Variants in KCNN3 observed in about 807,000 individuals in gnomAD.
KCNN3 encodes small conductance calcium-activated potassium channel protein 3.
Under a neutral mutation model 62.9 loss-of-function variants are expected in KCNN3, and 16 were observed. That is an observed-to-expected ratio of 0.25 (90% CI 0.17 to 0.39). The LOEUF is 0.39. Among genes scored for constraint, KCNN3 ranks in the 10% least tolerant of loss-of-function variants. The probability of loss-of-function intolerance (pLI) is 1.00; values close to 1 mark genes in which losing one functional copy is unlikely to be tolerated. For synonymous variants in KCNN3, 370 were observed against 389.2 expected (o/e 0.95, Z 0.58); for missense variants, 599 against 949.4 (o/e 0.63, Z 4.85).
At chr1:154,752,639 G>A (rs1386077677) in intron 3 of KCNN3, among the ~76,000 whole-genome samples, 3 of 149,920 alleles carry the variant, frequency 2.0e-5, no homozygotes, top group Non-Finnish European at 3.0e-5. Flanking sequence ...AGAATGAATG[G>A]CCATGAACGA....
chr1:154,736,475 C>G (rs1314043601), intron 3 of KCNN3, among the ~76,000 whole-genome samples: 4 of 152,190 alleles, frequency 2.6e-5, no homozygotes, highest in African/African-American at 9.7e-5. Context: ...TACTTAGTAT[C>G]TGAAAATGAT....
In KCNN3 at chr1:154,714,551, TGTGTG is replaced by T. The variant is rs1225019622; in HGVS notation, c.1829+320_1829+324del. ...GTGTGTGGTGTGTGTGGGGTGTGTGTGTGTGGTGTGTGTGTGGTGTGTGTGTGTGG... is the reference window on the plus strand; with the variant it reads ...GTGTGTGGTGTGTGTGGGGTGTGTGTGTGTGTGTGTGGTGTGTGTGTGTGG... On this transcript the variant is annotated intron_variant, in intron 6 of 7. Transcript: ENST00000271915. Among the ~76,000 whole-genome samples the T allele has an allele frequency of 2.6e-4, 16 of 61,280 alleles. 1 individual carries two copies. The highest frequency in any genetic ancestry group is 1.1e-3 in the African/African-American group (16 of 14,240). The allele number at this position is 61,280 out of a possible 152,430, so 40.2% of individuals were successfully genotyped here. A position where few individuals can be genotyped will look rare whatever the true frequency, so the allele number is the denominator to read the frequency against.
chr1:154,706,250 T>C lies in KCNN3; in HGVS notation c.*1726A>G, dbSNP rs1225381412. 1 of 152,204 alleles carries C rather than the reference T, an allele frequency of 6.6e-6. No homozygotes were observed. Among genetic ancestry groups the C allele is most frequent in the Non-Finnish European group, 1.5e-5 (1 of 68,024 alleles). 9.4% of individuals were successfully genotyped at this position (152,204 alleles called of 1,614,324 possible). A position where few individuals can be genotyped will look rare whatever the true frequency, so the allele number is the denominator to read the frequency against. ...GCTGTCCTTAGAAGAACAGGCCCAG[T>C]GCTACAGAATAAAAATCTCCATGCC... On this transcript the variant is annotated 3_prime_UTR_variant, in exon 8 of 8. Coordinates refer to ENST00000271915, the MANE Select transcript of KCNN3 (RefSeq NM_002249.6).
chr1:154,807,166 G>A (rs372095912), intron 2 of KCNN3, among the ~76,000 whole-genome samples: 3 of 152,234 alleles, frequency 2.0e-5, no homozygotes, highest in East Asian at 1.9e-4. Context: ...GAAAGACTGA[G>A]GCAAGCAGGA....
chr1:154,721,653 G>C (rs1474657555), intron 5 of KCNN3, among the ~76,000 whole-genome samples: 1 of 152,058 alleles, frequency 6.6e-6, no homozygotes, highest in Non-Finnish European at 1.5e-5. Context: ...AGCCACCAGA[G>C]GTTAGGGATG....
At position 154,701,377 on chromosome 1, in the gene KCNN3, CCA is replaced by C. The variant is rs1180072768; in HGVS notation, c.*6597_*6598del. ...AAAGCAACAACAGCAAGTGAGGGTC[CCA>C]GGTGAGAAGAGGCTCACTGATTCTA... On this transcript the variant is annotated 3_prime_UTR_variant, in exon 8 of 8. Coordinates refer to ENST00000271915, the MANE Select transcript of KCNN3 (RefSeq NM_002249.6). 15 of 152,120 alleles carry C rather than the reference CCA, an allele frequency of 9.9e-5. No individual in the cohort carries two copies. Among genetic ancestry groups the C allele is most frequent in the Non-Finnish European group, 1.9e-4 (13 of 68,030 alleles). The allele number at this position is 152,120 out of a possible 1,614,324, so 9.4% of individuals were successfully genotyped here. A position where few individuals can be genotyped will look rare whatever the true frequency, so the allele number is the denominator to read the frequency against.
chr1:154,869,120 C>A lies in KCNN3; in HGVS notation c.845G>T (p.Arg282Leu). Residue 282 changes from arginine (R) to leucine (L), a missense_variant, in exon 1 of 8, where the codon CGA becomes CTA. By Grantham distance (102) the Arg-to-Leu change is moderately radical (BLOSUM62 -2). This residue lies in a region of KCNN3 where 288 missense variants were observed against 557.4 expected (regional missense o/e 0.52). Transcript: ENST00000271915. The surrounding 1 kb of genome is among the most constrained non-coding windows in gnomAD (Gnocchi z 6.1). ...AAAAATCAGAGCATAGTCACTCAGT[C>A]GCTTTCTCTTTTCAAACAGGGCCCT... is the stretch of plus-strand genomic sequence containing the variant. Reference protein sequence around the residue: ...HRRALFEKRKRLSDYALIFGM... With the variant: ...HRRALFEKRKLLSDYALIFGM... 1.2e-6 allele frequency: 2 copies of A among 1,614,158 alleles called. No individual in the cohort carries two copies. Among genetic ancestry groups the A allele is most frequent in the East Asian group, 2.2e-5 (1 of 44,884 alleles).
At chr1:154,726,602 C>T (rs561547018) in intron 4 of KCNN3, among the ~76,000 whole-genome samples, 4 of 152,298 alleles carry the variant, frequency 2.6e-5, no homozygotes, top group African/African-American at 7.2e-5. Flanking sequence ...GGCACGAACA[C>T]GTGCACTCAG....
chr1:154,783,389 G>T (rs569831007), intron 2 of KCNN3, among the ~76,000 whole-genome samples: 5 of 152,274 alleles, frequency 3.3e-5, no homozygotes, highest in African/African-American at 9.6e-5. Flanking sequence ...TCTAGACTGG[G>T]CTATGTTTGT....
At chr1:154,865,033 C>A (rs756127628) in intron 1 of KCNN3, among the ~76,000 whole-genome samples, 3 of 152,110 alleles carry the variant, frequency 2.0e-5, no homozygotes, top group African/African-American at 7.2e-5. Context: ...GAGGTACCAG[C>A]TCAGCCACCA....
At chr1:154,731,558 G>A (rs1005293231) in intron 4 of KCNN3, among the ~76,000 whole-genome samples, 3 of 152,178 alleles carry the variant, frequency 2.0e-5, no homozygotes, top group Admixed American at 6.5e-5. Context: ...GCCCCCAGCC[G>A]CTGTGAGGCG....
chr1:154,823,895 T>G (rs1651002417), intron 1 of KCNN3, among the ~76,000 whole-genome samples: 1 of 152,120 alleles, frequency 6.6e-6, no homozygotes, highest in Non-Finnish European at 1.5e-5. Context: ...AGTGCCCAGG[T>G]CCATGCTCTC....
At chr1:154,793,358 G>A (rs1339962393) in intron 2 of KCNN3, among the ~76,000 whole-genome samples, 2 of 152,136 alleles carry the variant, frequency 1.3e-5, no homozygotes, top group Admixed American at 6.5e-5. Context: ...ACCCTGAAAA[G>A]TTTACACCTG....
intron 1 of KCNN3, among the ~76,000 whole-genome samples, chr1:154,830,867 G>A (rs1651353339): frequency 6.6e-6 from 1 of 152,166 alleles, no homozygotes; most frequent in Non-Finnish European, 1.5e-5. Context: ...AGGTCATTTA[G>A]GAGACCACGC....
chr1:154,734,255 T>C (rs924663488), intron 3 of KCNN3, among the ~76,000 whole-genome samples: 10 of 152,116 alleles, frequency 6.6e-5, no homozygotes, highest in Non-Finnish European at 1.2e-4. Context: ...CACAATAGAC[T>C]CTGTATTTTA....
chr1:154,784,734 A>G (rs534744760), intron 2 of KCNN3, among the ~76,000 whole-genome samples: 2 of 152,358 alleles, frequency 1.3e-5, no homozygotes, highest in Non-Finnish European at 2.9e-5. Context: ...GGGGCCATGT[A>G]TTGCAGCCTC....
chr1:154,737,659 A>G (rs771144167), intron 3 of KCNN3, among the ~76,000 whole-genome samples: 3 of 152,236 alleles, frequency 2.0e-5, no homozygotes, highest in African/African-American at 7.2e-5. Flanking sequence ...GACCCACGAG[A>G]CAAGAATGGA....
rs147080145 is a variant in KCNN3, at chr1:154,737,815, C to T, written c.1449-4671G>A. 4.8e-3 allele frequency among the ~76,000 whole-genome samples: 735 copies of T among 152,262 alleles called. 3 individuals carry two copies. The highest frequency in any genetic ancestry group is 7.1e-3 in the Non-Finnish European group (482 of 68,020). On this transcript the variant is annotated intron_variant, in intron 3 of 7. Transcript: ENST00000271915. ...TGTGTGCCTGTATCCCCCAGCTGCT[C>T]GGAGGCTGAGGCAGGAGGATTGCTC...
chr1:154,850,638 T>A (rs1652264289), intron 1 of KCNN3, among the ~76,000 whole-genome samples: 1 of 152,140 alleles, frequency 6.6e-6, no homozygotes, highest in African/African-American at 2.4e-5. Context: ...GTGCTTACCT[T>A]CCCCCAGCTG....
Sources: gnomAD v4.1 joint callset for allele counts (sites outside exome capture counted in the v4.1 genomes callset) on GRCh38, gnomAD v4.1.1 for gene constraint, gnomAD v4.1.1 regional missense constraint, Gnocchi (gnomAD v3.1) non-coding constraint, MANE v1.5 for transcripts, NCBI Gene and HGNC (gene_info 2026-07-23, HGNC 2026-07-21) for gene names.